The following APBB2 variants were observed in gnomAD, a reference collection of about 807,000 sequenced individuals.
APBB2 encodes the protein amyloid beta precursor protein binding family B member 2.
APBB2 carries 38 observed loss-of-function variants against 82.5 expected under a neutral mutation model. The ratio of observed to expected loss-of-function variants is 0.46; its 90% CI spans 0.36 to 0.60. APBB2 has a LOEUF of 0.60. Among genes scored for constraint, APBB2 ranks in the 20% least tolerant of loss-of-function variants. APBB2 has a pLI of 0.00. For missense variants in APBB2, 772 were observed against 972.3 expected (o/e 0.79, Z 2.74); for synonymous variants, 341 against 368.2 (o/e 0.93, Z 0.85).
chr4:41,002,957 A>G (rs1805642472), intron 6 of APBB2, among the ~76,000 whole-genome samples: 1 of 152,210 alleles, frequency 6.6e-6, no homozygotes, highest in Non-Finnish European at 1.5e-5. Context: ...AACATAAGAA[A>G]AACATGGCTA....
chr4:40,867,766 T>C (rs1764396069), intron 12 of APBB2, among the ~76,000 whole-genome samples: 1 of 152,130 alleles, frequency 6.6e-6, no homozygotes. Flanking sequence ...TTGCTTACAG[T>C]CTGTATTCCT....
At chr4:40,830,417 A>C in intron 13 of APBB2, 46 bp downstream of exon 13, 1 of 1,361,230 alleles carries the variant, frequency 7.3e-7, no homozygotes. Context: ...TTTATGCAGC[A>C]AGAAAAAAAG....
chr4:41,124,384 A>G (rs1753790204), intron 2 of APBB2, among the ~76,000 whole-genome samples: 1 of 152,060 alleles, frequency 6.6e-6, no homozygotes, highest in East Asian at 1.9e-4. Context: ...ATGCCCGGCT[A>G]ATTTTTTGTA....
intron 12 of APBB2, chr4:40,842,456 C>T (rs1481802690): frequency 4.6e-6 from 2 of 434,302 alleles, no homozygotes; most frequent in East Asian, 1.4e-4. Flanking sequence ...AACACAGCCC[C>T]GTTAACAGCG....
chr4:41,154,336 C>G (rs10031715), intron 1 of APBB2, among the ~76,000 whole-genome samples: 1 of 152,120 alleles, frequency 6.6e-6, no homozygotes, highest in Admixed American at 6.5e-5. Context: ...AACACAAATG[C>G]ACCTGGCAAT....
intron 3 of APBB2, among the ~76,000 whole-genome samples, chr4:41,069,606 C>T (rs1733139142): frequency 6.6e-6 from 1 of 152,192 alleles, no homozygotes; most frequent in South Asian, 2.1e-4. Flanking sequence ...GTTTCAAAGG[C>T]ATCAGATGCC....
At chr4:41,057,917 T>C (rs1454011845) in intron 4 of APBB2, among the ~76,000 whole-genome samples, 1 of 152,176 alleles carries the variant, frequency 6.6e-6, no homozygotes, top group African/African-American at 2.4e-5. Flanking sequence ...GACAACACAT[T>C]CTTCTCATCT....
Position 40,961,667 on chromosome 4 carries a change from TA to T in APBB2, c.836-16595del, listed in dbSNP as rs60942744. Among the ~76,000 whole-genome samples, 146 of 68,236 alleles carry T rather than the reference TA, an allele frequency of 2.1e-3. 1 individual carries two copies. The highest frequency in any genetic ancestry group is 7.8e-3 in the African/African-American group (130 of 16,728). The allele number at this position is 68,236 out of a possible 152,430, so 44.8% of individuals were successfully genotyped here. On this transcript the variant is annotated intron_variant, in intron 6 of 17. Coordinates refer to ENST00000508593, the MANE Select transcript of APBB2 (RefSeq NM_004307.2). ...AATAATGAAAGAAAAAAAAAAGATG[TA>T]AAAAAAAAAAAAAAAAAAAAAAAAA...
At chr4:41,190,241 A>ATTTTTTTTT (rs1160837303) in intron 1 of APBB2, among the ~76,000 whole-genome samples, 5 of 71,808 alleles carry the variant, frequency 7.0e-5, no homozygotes, top group African/African-American at 2.9e-4. Context: ...TACATAGGCT[A>ATTTTTTTTT]TTTTTTTTTT....
intron 15 of APBB2, 38 bp from the exon 16 acceptor site, chr4:40,823,797 C>A: frequency 7.2e-7 from 1 of 1,391,878 alleles, no homozygotes; most frequent in South Asian, 1.2e-5. Context: ...TGTCCTAAAG[C>A]CACTTACCAC....
In APBB2 at chr4:40,844,733, A is replaced by G. The variant is rs180986047; in HGVS notation, c.1530-14156T>C. 3.4e-3 allele frequency among the ~76,000 whole-genome samples: 512 copies of G among 152,346 alleles called. 2 individuals are homozygous for G. The highest frequency in any genetic ancestry group is 0.012 in the African/African-American group (481 of 41,576). ...CAGTCTGAATCCACAGCTGGGTAAC[A>G]TTATGCAAGTCACACAACCTCCCTA... On this transcript the variant is annotated intron_variant, in intron 12 of 17. Transcript: ENST00000508593.
chr4:41,176,673 A>G (rs1769866539), intron 1 of APBB2, among the ~76,000 whole-genome samples: 1 of 152,122 alleles, frequency 6.6e-6, no homozygotes, highest in Non-Finnish European at 1.5e-5. Flanking sequence ...GACATTTTGT[A>G]GCTTATCTAC....
chr4:40,950,106 C>T (rs114643238), intron 6 of APBB2, among the ~76,000 whole-genome samples: 2,166 of 152,272 alleles, frequency 0.014, 46 homozygotes, highest in African/African-American at 0.048. Context: ...TGCAGAGCAT[C>T]TTAAAATGCC....
chr4:40,919,682 G>A (rs1371300417), intron 10 of APBB2, among the ~76,000 whole-genome samples: 1 of 152,174 alleles, frequency 6.6e-6, no homozygotes, highest in East Asian at 1.9e-4. Context: ...CGACTGGCAG[G>A]ACTGCTGGGA....
intron 2 of APBB2, among the ~76,000 whole-genome samples, chr4:41,135,158 C>T (rs1166602174): frequency 7.7e-6 from 1 of 129,596 alleles, no homozygotes; most frequent in South Asian, 2.6e-4. Context: ...CAAACTATAT[C>T]CTTGAGCCCT....
At chr4:41,108,590 T>G (rs1748079010) in intron 2 of APBB2, among the ~76,000 whole-genome samples, 2 of 152,182 alleles carry the variant, frequency 1.3e-5, no homozygotes, top group African/African-American at 4.8e-5. Flanking sequence ...TGAGAAACGC[T>G]GTGCAGGTGC....
intron 6 of APBB2, among the ~76,000 whole-genome samples, chr4:40,975,729 T>A (rs894897143): frequency 1.4e-5 from 2 of 142,412 alleles, no homozygotes; most frequent in East Asian, 4.1e-4. Flanking sequence ...TTCAGGTAAA[T>A]AAAGAATTTA....
In APBB2 at chr4:40,832,011, T is replaced by TACACAC. The variant is rs1386389411; in HGVS notation, c.1530-1435_1530-1434insGTGTGT. Reference sequence around the variant, plus strand: ...ACACACATATTTATATATTTATTTATATACACACACACACACACACACACA... The same window carrying TACACAC: ...ACACACATATTTATATATTTATTTATACACACATACACACACACACACACACACACA... On this transcript the variant is annotated intron_variant, in intron 12 of 17. Coordinates refer to ENST00000508593, the MANE Select transcript of APBB2 (RefSeq NM_004307.2). The surrounding 1 kb of genome is among the most constrained non-coding windows in gnomAD (Gnocchi z 4.8). 9.7e-4 allele frequency among the ~76,000 whole-genome samples: 48 copies of TACACAC among 49,570 alleles called. No homozygotes were observed. The highest frequency in any genetic ancestry group is 2.6e-3 in the Admixed American group (12 of 4,562). 32.5% of individuals were successfully genotyped at this position (49,570 alleles called of 152,430 possible). A position where few individuals can be genotyped will look rare whatever the true frequency, so the allele number is the denominator to read the frequency against.
rs1331748493 is a variant in APBB2, at chr4:41,200,759, T to G, written c.-417+13646A>C. Among the ~76,000 whole-genome samples the G allele has an allele frequency of 7.9e-5, 12 of 152,226 alleles. 1 individual carries two copies. On this transcript the variant is annotated intron_variant, in intron 1 of 17. Coordinates refer to ENST00000508593, the MANE Select transcript of APBB2 (RefSeq NM_004307.2). ...ATTACAACCAAATACAGGTAGCACT[T>G]CTGACATCTTTCTCACACTGCTTGG...
Sources: gnomAD v4.1 joint callset for allele counts (sites outside exome capture counted in the v4.1 genomes callset) on GRCh38, gnomAD v4.1.1 for gene constraint, Gnocchi (gnomAD v3.1) non-coding constraint, MANE v1.5 for transcripts, NCBI Gene and HGNC (gene_info 2026-07-23, HGNC 2026-07-21) for gene names.